Variants in COLEC10 observed in about 807,000 individuals in gnomAD.
COLEC10 encodes the protein collectin-10.
COLEC10 carries 22 observed loss-of-function variants against 28.4 expected under a neutral mutation model. That is an observed-to-expected ratio of 0.78 (90% CI 0.55 to 1.11). COLEC10 has a LOEUF of 1.11. COLEC10 is among the 50% of genes least tolerant of loss of function. COLEC10 has a pLI of 0.00. For missense variants in COLEC10, 361 were observed against 344.1 expected, an observed-to-expected ratio of 1.05 and a Z score of -0.39; for synonymous variants, 125 against 116.1, an observed-to-expected ratio of 1.08 and a Z score of -0.49.
upstream of COLEC10, among the ~76,000 whole-genome samples, chr8:118,993,430 C>T (rs112210242): frequency 1.8e-3 from 273 of 152,304 alleles, 2 homozygotes; most frequent in African/African-American, 6.2e-3. Context: ...TCTCGGCTCA[C>T]TGCAATGTCC....
the COLEC10 span, among the ~76,000 whole-genome samples, chr8:118,960,787 A>G: frequency 3.2e-4 from 27 of 85,504 alleles, no homozygotes; most frequent in Admixed American, 6.3e-4. Context: ...GACTCTGTGA[A>G]AAAAAAAAAA....
chr8:119,065,765 C>T (rs1034322249), upstream of COLEC10, among the ~76,000 whole-genome samples: 1 of 149,806 alleles, frequency 6.7e-6, no homozygotes, highest in Non-Finnish European at 1.5e-5. Context: ...GGCTGAGGCA[C>T]GAGAATCGCT....
chr8:119,065,183 G>C (rs1814930117), upstream of COLEC10, among the ~76,000 whole-genome samples: 1 of 152,136 alleles, frequency 6.6e-6, no homozygotes, highest in Non-Finnish European at 1.5e-5. Flanking sequence ...ATCGGTTTGT[G>C]GCCTGTTAGG....
At chr8:119,004,860 C>G (rs149485954) in intron 1 of COLEC10, among the ~76,000 whole-genome samples, 24 of 149,686 alleles carry the variant, frequency 1.6e-4, no homozygotes, top group African/African-American at 5.9e-4. Context: ...AGAGATTATT[C>G]TCTGTATATT....
chr8:119,071,448 T>A (rs1204166309), intron 1 of COLEC10, among the ~76,000 whole-genome samples: 2 of 152,122 alleles, frequency 1.3e-5, no homozygotes, highest in Non-Finnish European at 2.9e-5. Flanking sequence ...TGGCTCTCCT[T>A]CCTGACTCAG....
rs1265134855 is a variant in COLEC10, at chr8:119,011,640, AG to A, written n.235+2088del. Among the ~76,000 whole-genome samples the A allele has an allele frequency of 3.3e-5, 5 of 150,858 alleles. 1 individual carries two copies. Among genetic ancestry groups the A allele is most frequent in the African/African-American group, 5.0e-5 (2 of 40,390 alleles). On this transcript the variant is annotated intron_variant and non_coding_transcript_variant, in intron 2 of 6. Transcript: ENST00000521788. Reference sequence around the variant, plus strand: ...TTAGTATATTAATTTCTTTCACAAGAGTTTTGTGGTTTTCTTTATACAAATG... The same window carrying A: ...TTAGTATATTAATTTCTTTCACAAGATTTTGTGGTTTTCTTTATACAAATG...
At chr8:119,044,855 AAAG>A (rs1192214636) in intron 2 of COLEC10, among the ~76,000 whole-genome samples, 1 of 152,062 alleles carries the variant, frequency 6.6e-6, no homozygotes, top group Non-Finnish European at 1.5e-5. Context: ...AAAAAAAAAA[AAAG>A]AAACCACAAC....
intron 1 of COLEC10, among the ~76,000 whole-genome samples, chr8:119,081,689 T>C (rs571795671): frequency 6.6e-6 from 1 of 152,290 alleles, no homozygotes; most frequent in South Asian, 2.1e-4. Context: ...TGAGTGTATA[T>C]AAATTAAATG....
intron 1 of COLEC10, among the ~76,000 whole-genome samples, chr8:119,081,753 C>G (rs1017593178): frequency 6.6e-6 from 1 of 152,140 alleles, no homozygotes; most frequent in South Asian, 2.1e-4. Flanking sequence ...CTGATGCCAG[C>G]CTGTGAAGGT....
intron 2 of COLEC10, among the ~76,000 whole-genome samples, chr8:119,020,182 C>T (rs1814067750): frequency 6.6e-6 from 1 of 152,170 alleles, no homozygotes; most frequent in Non-Finnish European, 1.5e-5. Context: ...GTTTCTGCTG[C>T]TCTGCCTCAT....
At chr8:119,054,032 A>G (rs375421921) in intron 2 of COLEC10, among the ~76,000 whole-genome samples, 23 of 152,244 alleles carry the variant, frequency 1.5e-4, no homozygotes, top group African/African-American at 5.3e-4. Context: ...GCCATGATTT[A>G]GTACAATAAG....
At chr8:119,033,320 T>C (rs1814326344) in intron 2 of COLEC10, among the ~76,000 whole-genome samples, 1 of 151,786 alleles carries the variant, frequency 6.6e-6, no homozygotes, top group East Asian at 1.9e-4. Flanking sequence ...GGCAATACCA[T>C]TAAGGACGTA....
the COLEC10 span, among the ~76,000 whole-genome samples, chr8:118,969,488 A>T: frequency 1.3e-5 from 2 of 151,984 alleles, no homozygotes; most frequent in African/African-American, 2.4e-5. Flanking sequence ...TCTGCCAGGC[A>T]CTGTTAGCAG....
intron 1 of COLEC10, among the ~76,000 whole-genome samples, chr8:119,076,885 G>A (rs1397049529): frequency 6.6e-6 from 1 of 152,224 alleles, no homozygotes; most frequent in African/African-American, 2.4e-5. Flanking sequence ...GAGGGATGCA[G>A]TGTGGCAGCA....
chr8:119,038,377 G>A (rs969428072), intron 2 of COLEC10, among the ~76,000 whole-genome samples: 3 of 152,174 alleles, frequency 2.0e-5, no homozygotes, highest in African/African-American at 4.8e-5. Context: ...GCTGGTTAAA[G>A]TCAAAGGATG....
At chr8:118,978,372 A>T in the COLEC10 span, among the ~76,000 whole-genome samples, 4 of 152,066 alleles carry the variant, frequency 2.6e-5, no homozygotes, top group Non-Finnish European at 5.9e-5. Context: ...GGTCCCAAAT[A>T]TCAAACTCAA....
At chr8:118,974,221 A>G in the COLEC10 span, among the ~76,000 whole-genome samples, 19 of 151,708 alleles carry the variant, frequency 1.3e-4, no homozygotes, top group Non-Finnish European at 2.7e-4. Flanking sequence ...ACCATATTTA[A>G]TTGTCTGGGT....
chr8:119,043,977 A>G (rs911211326), intron 2 of COLEC10, among the ~76,000 whole-genome samples: 7 of 152,360 alleles, frequency 4.6e-5, no homozygotes, highest in African/African-American at 1.7e-4. Flanking sequence ...ACAAAACAAA[A>G]CAAAACTATA....
In COLEC10 at chr8:119,021,478, G is replaced by A. The variant is rs559528369; in HGVS notation, n.235+11925G>A. Among the ~76,000 whole-genome samples the A allele has an allele frequency of 1.1e-4, 17 of 152,284 alleles. No individual in the cohort carries two copies. The East Asian group carries it at 3.1e-3, about 28-fold the overall frequency. ...ATGTCCTCTACAATCAGTGCAGTAG[G>A]AGCTGGCAGGAATTACTACTGCTGG... On this transcript the variant is annotated intron_variant and non_coding_transcript_variant, in intron 2 of 6. Transcript: ENST00000521788.
Sources: allele counts gnomAD v4.1 joint callset (sites outside exome capture counted in the v4.1 genomes callset), GRCh38; gene constraint gnomAD v4.1.1; transcripts MANE v1.5; gene names NCBI Gene and HGNC (gene_info 2026-07-23, HGNC 2026-07-21).